Variants in RIF1 observed in about 807,000 individuals in gnomAD.
The protein encoded by RIF1 is replication timing regulatory factor 1.
Under a neutral mutation model 247.1 loss-of-function variants are expected in RIF1, and 45 were observed. That is an observed-to-expected ratio of 0.18 (90% CI 0.14 to 0.23). The LOEUF is 0.23. RIF1 is among the 10% of genes least tolerant of loss of function. The pLI is 1.00. For synonymous variants in RIF1, 1,087 were observed against 978.8 expected (o/e 1.11, Z -2.06); for missense variants, 2,967 against 2,862.5 (o/e 1.04, Z -0.83).
At chr2:151,461,018 A>G in intron 26 of RIF1, 120 bp from the exon 27 acceptor site, 1 of 885,266 alleles carries the variant, frequency 1.1e-6, no homozygotes, top group Admixed American at 2.5e-5. Flanking sequence ...GATCATGAGT[A>G]TCATCAACTT....
intron 8 of RIF1, chr2:151,423,817 T>C (rs1342003098): frequency 6.6e-6 from 1 of 152,248 alleles, no homozygotes; most frequent in Non-Finnish European, 1.5e-5. Flanking sequence ...GTGGTAAATA[T>C]ACATGTTCTA....
intron 20 of RIF1, among the ~76,000 whole-genome samples, chr2:151,447,081 C>G (rs1490278464): frequency 1.3e-5 from 2 of 151,676 alleles, no homozygotes; most frequent in Admixed American, 6.6e-5. Context: ...GTAGCTGGGA[C>G]CACAGGCGCC....
the RIF1 span, among the ~76,000 whole-genome samples, chr2:151,517,479 TAGTA>T: frequency 2.0e-5 from 3 of 152,252 alleles, no homozygotes; most frequent in African/African-American, 4.8e-5. Flanking sequence ...GGTCATGTGA[TAGTA>T]AGTTCTTTCC....
rs1022541683 is a variant in RIF1 at position 151,467,975 on chromosome 2, G to A, written c.6601-25G>A. The A allele has an allele frequency of 5.1e-6, 8 of 1,569,202 alleles. No homozygotes were observed. In the Admixed American group the frequency reaches 6.0e-5, roughly 12 times the overall value. On this transcript the variant is annotated intron_variant, in intron 30 of 35. Coordinates refer to ENST00000444746, the MANE Select transcript of RIF1 (RefSeq NM_018151.5). ...TTTTTAAAAACTTTAATTTTGTTAA[G>A]TAAAATCCTGACCTGTGTTTTCAGG...
chr2:151,433,310 T>G (rs1690514704), intron 10 of RIF1, 82 bp downstream of exon 10: 4 of 1,131,680 alleles, frequency 3.5e-6, no homozygotes, highest in East Asian at 2.4e-5. Flanking sequence ...TCCTGTGGTG[T>G]TATTTTTGCT....
At chr2:151,491,796 C>A in intron 9 of RIF1, 1 of 1,546,120 alleles carries the variant, frequency 6.5e-7, no homozygotes, top group South Asian at 1.2e-5. Flanking sequence ...AACCAGTGAT[C>A]AGAACAAGTG....
chr2:151,501,548 A>T, intron 11 of RIF1: 1 of 854,142 alleles, frequency 1.2e-6, no homozygotes, highest in Non-Finnish European at 1.7e-6. Flanking sequence ...GACTTAACCT[A>T]AAAAAACAGC....
chr2:151,462,378 A>T, intron 28 of RIF1, 34 bp from the exon 29 acceptor site: 1 of 1,458,380 alleles, frequency 6.9e-7, no homozygotes, highest in Non-Finnish European at 9.3e-7. Flanking sequence ...TCAAATAATT[A>T]TAAAAATAAT....
the RIF1 span, among the ~76,000 whole-genome samples, chr2:151,515,432 C>T: frequency 6.6e-6 from 1 of 152,146 alleles, no homozygotes. Flanking sequence ...AGGCTGGTCT[C>T]AAACTCCTGA....
chr2:151,475,457 G>T lies in RIF1; in HGVS notation c.*386G>T. 1 of 194,680 alleles carries T rather than the reference G, an allele frequency of 5.1e-6. No homozygotes were observed. The highest frequency in any genetic ancestry group is 1.1e-5 in the Non-Finnish European group (1 of 94,916). 12.1% of individuals were successfully genotyped at this position (194,680 alleles called of 1,614,324 possible). On this transcript the variant is annotated 3_prime_UTR_variant, in exon 36 of 36. Transcript: ENST00000444746. ...TTTTTATTTGAATTTTTGCTGAACT[G>T]ATAAAGGTGTTTATATTTTTGTTTG... is the stretch of plus-strand genomic sequence containing the variant.
chr2:151,488,951 G>T (rs560831825), intron 9 of RIF1, among the ~76,000 whole-genome samples: 83 of 152,002 alleles, frequency 5.5e-4, no homozygotes, highest in African/African-American at 2.0e-3. Flanking sequence ...TAGCTTTATA[G>T]TATGTTTTGT....
chr2:151,477,200 A>G lies in RIF1; in HGVS notation c.*2129A>G, dbSNP rs1173714114. On this transcript the variant is annotated 3_prime_UTR_variant, in exon 36 of 36. Transcript: ENST00000444746. ...ATATTCTTGCCTTAAAGTTTCCTGC[A>G]AATTTCCCCCTTAGTAATTCCCGAA... The G allele has an allele frequency of 6.6e-6, 1 of 152,214 alleles. No homozygotes were observed. The highest frequency in any genetic ancestry group is 1.5e-5 in the Non-Finnish European group (1 of 68,028). 9.4% of individuals were successfully genotyped at this position (152,214 alleles called of 1,614,324 possible).
chr2:151,469,322 G>T (rs1697437902), intron 33 of RIF1, among the ~76,000 whole-genome samples: 1 of 152,124 alleles, frequency 6.6e-6, no homozygotes, highest in Admixed American at 6.5e-5. Flanking sequence ...CTGCCCTGTC[G>T]TAGCATAATC....
At chr2:151,483,930 C>A (rs2049313220), downstream of RIF1, among the ~76,000 whole-genome samples, 1 of 152,196 alleles carries the variant, frequency 6.6e-6, no homozygotes, top group Non-Finnish European at 1.5e-5. Context: ...GAAAAATTGT[C>A]TTCCACAAAA....
chr2:151,528,275 T>C, the RIF1 span, among the ~76,000 whole-genome samples: 2 of 152,234 alleles, frequency 1.3e-5, no homozygotes, highest in Non-Finnish European at 2.9e-5. Context: ...GAGCCTGCAC[T>C]ATTAGGCACA....
chr2:151,465,164 G>T lies in RIF1; in HGVS notation c.5644G>T (p.Glu1882Ter). 2 of 1,613,578 alleles carry T rather than the reference G, an allele frequency of 1.2e-6. No individual in the cohort carries two copies. The highest frequency in any genetic ancestry group is 8.5e-7 in the Non-Finnish European group (1 of 1,179,884). The stretch of plus-strand genomic sequence containing the variant: ...ACAGGAATCTTTGGAGACAAAAGAA[G>T]AAAAACCAGAAGAAACCCCAAAAAT... The part of the protein sequence containing the change: ...VSQESLETKE[E>*]KPEETPKMEL... Residue 1882 changes from glutamate to a stop codon, truncating the protein, a stop_gained, in exon 30 of 36, where the codon GAA becomes TAA. Coordinates refer to ENST00000444746, the MANE Select transcript of RIF1 (RefSeq NM_018151.5). LOFTEE classifies it high-confidence loss of function.
At chr2:151,525,040 C>T in the RIF1 span, 3 of 769,876 alleles carry the variant, frequency 3.9e-6, no homozygotes, top group African/African-American at 1.8e-5. Context: ...CAATTCTCGC[C>T]ACTAACTTTT....
Position 151,463,901 on chromosome 2 carries a change from G to T in RIF1, c.4381G>T (p.Asp1461Tyr). The change falls in exon 30 of 36, where the codon GAT becomes TAT. Residue 1461 changes from aspartate (D) to tyrosine (Y), a missense_variant. By Grantham distance (160) the Asp-to-Tyr change is radical. This residue lies in a region of RIF1 where 2,028 missense variants were observed against 1,825.6 expected (regional missense o/e 1.11). Coordinates refer to ENST00000444746, the MANE Select transcript of RIF1 (RefSeq NM_018151.5). ...GAAGAGTCCATTGCATATAAAAGAT[G>T]ATGTGTTACCTAAACAAAAACTGAT... ...LQKSPLHIKD[D>Y]VLPKQKLIAE... 6.2e-7 allele frequency: 1 copy of T among 1,613,580 alleles called. No individual in the cohort carries two copies. The highest frequency in any genetic ancestry group is 1.1e-5 in the South Asian group (1 of 90,928).
At chr2:151,456,792 G>A (rs1204476608) in intron 23 of RIF1, among the ~76,000 whole-genome samples, 172 bp downstream of exon 23, 1 of 152,142 alleles carries the variant, frequency 6.6e-6, no homozygotes, top group East Asian at 1.9e-4. Flanking sequence ...GAGTGCAGTG[G>A]CAGGATCTCG....
Sources: gnomAD v4.1 joint callset for allele counts (sites outside exome capture counted in the v4.1 genomes callset) on GRCh38, gnomAD v4.1.1 for gene constraint, gnomAD v4.1.1 regional missense constraint, MANE v1.5 for transcripts, NCBI Gene and HGNC (gene_info 2026-07-23, HGNC 2026-07-21) for gene names.